SOX5: variants seen among roughly 807,000 people sequenced by gnomAD.
SOX5 encodes SRY-box transcription factor 5, also known as transcription factor SOX-5.
A neutral mutation model predicts 92.0 loss-of-function variants in SOX5; 9 were observed. That is an observed-to-expected ratio of 0.10 (90% CI 0.06 to 0.17). The LOEUF (loss-of-function observed/expected upper bound fraction) is 0.17, where lower values mean the gene tolerates loss of function less well. Ranked by LOEUF, SOX5 falls within the 10% of genes least tolerant of loss-of-function variation. SOX5 has a pLI of 1.00. For synonymous variants in SOX5, 344 were observed against 336.3 expected, an observed-to-expected ratio of 1.02 and a Z score of -0.25; for missense variants, 642 against 944.5, an observed-to-expected ratio of 0.68 and a Z score of 4.20.
At position 24,388,600 on chromosome 12, in the gene SOX5, A is replaced by C. The variant is rs114327687; in HGVS notation, c.-250-19961T>G. The stretch of plus-strand genomic sequence containing the variant: ...CATTCTCCTTGGTTTGTTTTCTTTA[A>C]AACAACTTTTTTGAGATGTTTATAT... On this transcript the variant is annotated intron_variant, in intron 1 of 4. Coordinates refer to the SOX5 transcript ENST00000446891. 1.9e-3 allele frequency among the ~76,000 whole-genome samples: 284 copies of C among 152,200 alleles called. 1 individual carries two copies. Among genetic ancestry groups the C allele is most frequent in the African/African-American group, 6.4e-3 (264 of 41,540 alleles).
intron 1 of SOX5, among the ~76,000 whole-genome samples, chr12:24,426,189 G>C (rs1357388254): frequency 6.6e-6 from 1 of 151,766 alleles, no homozygotes; most frequent in East Asian, 1.9e-4. Flanking sequence ...GATAGAGCAA[G>C]ACTCTTGTCT....
intron 1 of SOX5, among the ~76,000 whole-genome samples, chr12:24,429,611 T>TACACACACACACATAC (rs1356607444): frequency 6.8e-6 from 1 of 146,906 alleles, no homozygotes. Context: ...GAAACACACA[T>TACACACACACACATAC]ACACACACAC....
intron 3 of SOX5, among the ~76,000 whole-genome samples, chr12:23,761,781 T>C (rs1277100934): frequency 6.6e-6 from 1 of 152,138 alleles, no homozygotes; most frequent in African/African-American, 2.4e-5. Context: ...TGGGCTAGTC[T>C]GTTTTAGAAC....
rs55913110 is a variant in SOX5 at position 24,114,573 on chromosome 12, C to CAAAAAAAAAAAAAAA, written c.-2+98755_-2+98769dup. Among the ~76,000 whole-genome samples, 78 of 40,594 alleles carry CAAAAAAAAAAAAAAA rather than the reference C, an allele frequency of 1.9e-3. 4 individuals are homozygous for CAAAAAAAAAAAAAAA. The highest frequency in any genetic ancestry group is 3.0e-3 in the South Asian group (2 of 662). The allele number at this position is 40,594 out of a possible 152,430, so 26.6% of individuals were successfully genotyped here. On this transcript the variant is annotated intron_variant, in intron 4 of 4. Coordinates refer to the SOX5 transcript ENST00000446891. The stretch of plus-strand genomic sequence containing the variant: ...CCTGGTGACAGGGCACACCCCGTCA[C>CAAAAAAAAAAAAAAA]AAAAAAAAAAAAAAAAAAAAAAAAA...
chr12:23,717,678 A>T (rs1379670567), intron 6 of SOX5, among the ~76,000 whole-genome samples: 1 of 152,224 alleles, frequency 6.6e-6, no homozygotes, highest in Non-Finnish European at 1.5e-5. Context: ...GTGGGCAGAC[A>T]TCCCACTGAT....
At chr12:24,014,936 T>C (rs1953408930) in intron 4 of SOX5, among the ~76,000 whole-genome samples, 1 of 152,122 alleles carries the variant, frequency 6.6e-6, no homozygotes, top group Non-Finnish European at 1.5e-5. Flanking sequence ...GGCAAGGTCA[T>C]GACCTTTGAC....
chr12:23,547,487 G>T (rs7976982), intron 11 of SOX5, among the ~76,000 whole-genome samples: 108,520 of 151,922 alleles, frequency 0.71, 39,132 homozygotes, highest in East Asian at 0.96. Flanking sequence ...AATCAATGAT[G>T]TAAGATAATT....
intron 11 of SOX5, among the ~76,000 whole-genome samples, chr12:23,553,801 G>T (rs999141830): frequency 2.0e-5 from 3 of 152,066 alleles, no homozygotes; most frequent in African/African-American, 7.2e-5. Flanking sequence ...GTTGTCTGAT[G>T]ATAATTATTC....
intron 1 of SOX5, among the ~76,000 whole-genome samples, chr12:24,415,189 G>A (rs1436552502): frequency 6.6e-6 from 1 of 152,118 alleles, no homozygotes; most frequent in African/African-American, 2.4e-5. Flanking sequence ...ACTAAAGGTA[G>A]TTATACTTAC....
chr12:23,969,761 A>G (rs1477154490), intron 4 of SOX5, among the ~76,000 whole-genome samples: 1 of 152,218 alleles, frequency 6.6e-6, no homozygotes, highest in Non-Finnish European at 1.5e-5. Context: ...ATAGCTTTAC[A>G]TCGGTAAAAA....
At chr12:23,890,950 A>C (rs1383550536) in intron 2 of SOX5, among the ~76,000 whole-genome samples, 1 of 152,254 alleles carries the variant, frequency 6.6e-6, no homozygotes, top group African/African-American at 2.4e-5. Context: ...TGCGAAGATT[A>C]TATGAGAATC....
intron 1 of SOX5, among the ~76,000 whole-genome samples, chr12:24,490,421 A>G (rs1490655685): frequency 1.3e-5 from 2 of 152,186 alleles, no homozygotes; most frequent in African/African-American, 4.8e-5. Flanking sequence ...TTTTCCTTCT[A>G]TTTACAATAA....
At chr12:23,991,261 G>T (rs1375052986) in intron 4 of SOX5, among the ~76,000 whole-genome samples, 3 of 151,390 alleles carry the variant, frequency 2.0e-5, no homozygotes, top group Non-Finnish European at 4.4e-5. Flanking sequence ...TACTCAGGAG[G>T]CTGAGGCAGG....
intron 2 of SOX5, among the ~76,000 whole-genome samples, chr12:24,317,725 C>A (rs771001045): frequency 6.6e-6 from 1 of 152,204 alleles, no homozygotes; most frequent in Admixed American, 6.5e-5. Flanking sequence ...GGCCGTTACA[C>A]CTTCGTTTCC....
intron 2 of SOX5, among the ~76,000 whole-genome samples, chr12:23,857,700 A>T (rs1271397234): frequency 6.6e-6 from 1 of 152,036 alleles, no homozygotes; most frequent in Non-Finnish European, 1.5e-5. Flanking sequence ...AATGTGTGAT[A>T]ATCGATGACA....
At chr12:23,951,017 G>C, upstream of SOX5, 1 of 681,654 alleles carries the variant, frequency 1.5e-6, no homozygotes, top group Non-Finnish European at 2.6e-6. Flanking sequence ...ACTCACGCAC[G>C]CTCTCCACTC....
intron 2 of SOX5, among the ~76,000 whole-genome samples, chr12:23,863,269 T>A (rs537560201): frequency 1.3e-5 from 2 of 152,210 alleles, no homozygotes; most frequent in Admixed American, 1.3e-4. Context: ...ATGATTAACC[T>A]CAGATTGCAT....
intron 2 of SOX5, among the ~76,000 whole-genome samples, chr12:23,875,566 A>G (rs571225063): frequency 2.0e-5 from 3 of 152,136 alleles, no homozygotes; most frequent in African/African-American, 4.8e-5. Context: ...GGAAGGAAAG[A>G]AGGAAAAAAA....
At chr12:23,736,028 T>C (rs1053809585) in intron 5 of SOX5, among the ~76,000 whole-genome samples, 2 of 152,136 alleles carry the variant, frequency 1.3e-5, no homozygotes, top group Admixed American at 1.3e-4. Flanking sequence ...CATGAATAGA[T>C]GAGATGAAAA....
Sources: gnomAD v4.1 joint callset for allele counts (sites outside exome capture counted in the v4.1 genomes callset) on GRCh38, gnomAD v4.1.1 for gene constraint, MANE v1.5 for transcripts, NCBI Gene and HGNC (gene_info 2026-07-23, HGNC 2026-07-21) for gene names.